CDKAL1: variants seen among roughly 807,000 people sequenced by gnomAD.
The protein encoded by CDKAL1 is threonylcarbamoyladenosine tRNA methylthiotransferase.
Under a neutral mutation model 68.2 loss-of-function variants are expected in CDKAL1, and 32 were observed. The observed-to-expected ratio is 0.47, with a 90% CI of 0.35 to 0.63. The LOEUF (loss-of-function observed/expected upper bound fraction) is 0.63. Among genes scored for constraint, CDKAL1 ranks in the 30% least tolerant of loss-of-function variants. The pLI is 0.00. For synonymous variants in CDKAL1, 234 were observed against 244.3 expected (o/e 0.96, Z 0.39); for missense variants, 606 against 696.7 (o/e 0.87, Z 1.47).
chr6:20,923,245 A>T (rs998781414), intron 9 of CDKAL1, among the ~76,000 whole-genome samples: 9 of 152,124 alleles, frequency 5.9e-5, no homozygotes, highest in African/African-American at 2.2e-4. Flanking sequence ...GGGTACAGGT[A>T]TACCTCCTTT....
At chr6:21,159,869 C>A (rs1776827470) in intron 13 of CDKAL1, among the ~76,000 whole-genome samples, 2 of 152,182 alleles carry the variant, frequency 1.3e-5, no homozygotes, top group South Asian at 2.1e-4. Flanking sequence ...CCACCCAACC[C>A]AGATTGGGTT....
intron 12 of CDKAL1, among the ~76,000 whole-genome samples, chr6:21,080,552 C>G (rs1009288431): frequency 5.9e-5 from 9 of 152,182 alleles, no homozygotes; most frequent in African/African-American, 2.2e-4. Flanking sequence ...TGATTCCTCT[C>G]AGTCAGAATC....
chr6:20,683,041 T>C (rs1007277696), intron 5 of CDKAL1, among the ~76,000 whole-genome samples: 6 of 151,522 alleles, frequency 4.0e-5, no homozygotes, highest in Admixed American at 4.0e-4. Flanking sequence ...TAGCACCCTG[T>C]AGCCTTGAAC....
At chr6:20,696,903 A>G (rs1330664327) in intron 5 of CDKAL1, among the ~76,000 whole-genome samples, 2 of 152,250 alleles carry the variant, frequency 1.3e-5, no homozygotes, top group Admixed American at 6.5e-5. Context: ...CATCATGTTC[A>G]CTTGTAATGA....
At chr6:20,977,674 T>C (rs1765907843) in intron 10 of CDKAL1, among the ~76,000 whole-genome samples, 1 of 152,188 alleles carries the variant, frequency 6.6e-6, no homozygotes, top group Non-Finnish European at 1.5e-5. Flanking sequence ...GCACAGGAGT[T>C]TGAGACCAGC....
At chr6:21,021,532 T>C (rs1461416320) in intron 11 of CDKAL1, among the ~76,000 whole-genome samples, 8 of 152,198 alleles carry the variant, frequency 5.3e-5, no homozygotes, top group African/African-American at 1.9e-4. Context: ...ATTTTCTTTC[T>C]ACAGCTTTTT....
rs111593552 is a variant in CDKAL1 at position 20,968,217 on chromosome 6, G to C, written c.909+12632G>C. On this transcript the variant is annotated intron_variant, in intron 10 of 15. Coordinates refer to ENST00000274695, the MANE Select transcript of CDKAL1 (RefSeq NM_017774.3). ...TGTGTCACCCAGGCTAGAGTGCAGT[G>C]GTGCAGTCATGGCTCACTGCATCCT... Among the ~76,000 whole-genome samples the C allele has an allele frequency of 1.7e-3, 260 of 149,264 alleles. 4 individuals carry two copies. The highest frequency in any genetic ancestry group is 5.9e-3 in the African/African-American group (240 of 40,562).
chr6:20,829,277 T>C (rs1777617988), intron 8 of CDKAL1, among the ~76,000 whole-genome samples: 1 of 152,248 alleles, frequency 6.6e-6, no homozygotes, highest in Admixed American at 6.5e-5. Flanking sequence ...GCTGCCACAC[T>C]GTTTTCCTCA....
At chr6:20,671,725 T>A (rs1472057585) in intron 5 of CDKAL1, among the ~76,000 whole-genome samples, 1 of 152,158 alleles carries the variant, frequency 6.6e-6, no homozygotes, top group Non-Finnish European at 1.5e-5. Context: ...TTATTTTTTT[T>A]AAATCTCTAA....
At chr6:20,882,970 A>T (rs1760896375) in intron 9 of CDKAL1, among the ~76,000 whole-genome samples, 1 of 152,202 alleles carries the variant, frequency 6.6e-6, no homozygotes, top group African/African-American at 2.4e-5. Flanking sequence ...GACAAGAATT[A>T]GTCTTTCTTC....
intron 4 of CDKAL1, among the ~76,000 whole-genome samples, chr6:20,628,315 G>A (rs1472959572): frequency 6.6e-6 from 1 of 151,930 alleles, no homozygotes; most frequent in Non-Finnish European, 1.5e-5. Context: ...AATAGGTGTT[G>A]GATACTTTGT....
At chr6:20,678,342 A>G (rs981471933) in intron 5 of CDKAL1, among the ~76,000 whole-genome samples, 1 of 152,052 alleles carries the variant, frequency 6.6e-6, no homozygotes, top group Non-Finnish European at 1.5e-5. Context: ...TTTGGCTTGG[A>G]TTATTCTTTG....
At chr6:21,099,336 G>A (rs998434112) in intron 12 of CDKAL1, among the ~76,000 whole-genome samples, 1 of 152,132 alleles carries the variant, frequency 6.6e-6, no homozygotes, top group Admixed American at 6.6e-5. Context: ...TGTTAATAAA[G>A]GAATGAGCAC....
At position 20,881,920 on chromosome 6, in the gene CDKAL1, C is replaced by G. The variant is rs1267152945; in HGVS notation, c.742+35742C>G. On this transcript the variant is annotated intron_variant, in intron 9 of 15. Coordinates refer to ENST00000274695, the MANE Select transcript of CDKAL1 (RefSeq NM_017774.3). ...CCACGTACCAAAATTTTCTCCTTTTCCCTTTCTAGTCAAACTCTCTTATCG... is the reference window on the plus strand; with the variant it reads ...CCACGTACCAAAATTTTCTCCTTTTGCCTTTCTAGTCAAACTCTCTTATCG... Among the ~76,000 whole-genome samples the G allele has an allele frequency of 3.9e-5, 6 of 152,272 alleles. No homozygotes were observed. In the East Asian group the frequency reaches 1.2e-3, roughly 29 times the overall value.
At chr6:21,208,861 C>T (rs1035320769) in intron 15 of CDKAL1, among the ~76,000 whole-genome samples, 2 of 152,180 alleles carry the variant, frequency 1.3e-5, no homozygotes, top group Non-Finnish European at 2.9e-5. Context: ...TGTCACTTCA[C>T]ACTGTGTTTA....
Position 20,781,194 on chromosome 6 carries a change from T to C in CDKAL1, c.567T>C (p.Leu189=). 1 of 1,613,926 alleles carries C rather than the reference T, an allele frequency of 6.2e-7. No individual in the cohort carries two copies. ...AGAAAAAGGATAATGGAAGGCGGCT[T>C]GGGGGAGCACGATTGGATTTGCCGA... ...LGQKKDNGRR[L]GGARLDLPKI... The change falls in exon 8 of 16, where the codon CTT becomes CTC. Residue 189 remains leucine, a synonymous_variant. Coordinates refer to ENST00000274695, the MANE Select transcript of CDKAL1 (RefSeq NM_017774.3).
rs539528718 is a variant in CDKAL1 at position 20,701,570 on chromosome 6, GC to G, written c.372-37948del. The stretch of plus-strand genomic sequence containing the variant: ...GAGAGAAGACAGCTTTCAGGAGGAT[GC>G]TTGTGGAACCTTTATACAGTTAGGC... On this transcript the variant is annotated intron_variant, in intron 5 of 15. Transcript: ENST00000274695. Among the ~76,000 whole-genome samples, 23 of 152,244 alleles carry G rather than the reference GC, an allele frequency of 1.5e-4. No homozygotes were observed. The South Asian group carries it at 3.5e-3, about 23-fold the overall frequency.
chr6:20,714,969 G>A (rs540347690), intron 5 of CDKAL1, among the ~76,000 whole-genome samples: 37 of 152,142 alleles, frequency 2.4e-4, no homozygotes, highest in African/African-American at 8.0e-4. Flanking sequence ...TTTAAGATAC[G>A]TGATCAGACA....
intron 8 of CDKAL1, among the ~76,000 whole-genome samples, chr6:20,786,251 A>G (rs1448438626): frequency 6.6e-6 from 1 of 152,148 alleles, no homozygotes; most frequent in African/African-American, 2.4e-5. Flanking sequence ...AACAAAACAT[A>G]AAAGTACATC....
Sources: allele counts gnomAD v4.1 joint callset (sites outside exome capture counted in the v4.1 genomes callset), GRCh38; gene constraint gnomAD v4.1.1; transcripts MANE v1.5; gene names NCBI Gene and HGNC (gene_info 2026-07-23, HGNC 2026-07-21).